Variants in ANKRD22 observed in about 807,000 individuals in gnomAD.
ANKRD22 encodes ankyrin repeat domain-containing protein 22.
A neutral mutation model predicts 25.7 loss-of-function variants in ANKRD22; 24 were observed. That is an observed-to-expected ratio of 0.93 (90% CI 0.68 to 1.31). The LOEUF (loss-of-function observed/expected upper bound fraction) is 1.31, where lower values mean the gene tolerates loss of function less well. Among genes scored for constraint, ANKRD22 ranks in the 50% most tolerant of loss-of-function variants. ANKRD22 has a pLI of 0.00. For synonymous variants in ANKRD22, 84 were observed against 84.3 expected, an observed-to-expected ratio of 1.00 and a Z score of 0.02; for missense variants, 214 against 227.1, an observed-to-expected ratio of 0.94 and a Z score of 0.37.
At position 88,821,742 on chromosome 10, in the gene ANKRD22, G is replaced by A. The variant is rs1246556750; in HGVS notation, c.*1199C>T. 2.0e-5 allele frequency among the ~76,000 whole-genome samples: 3 copies of A among 152,072 alleles called. No homozygotes were observed. Among genetic ancestry groups the A allele is most frequent in the Admixed American group, 2.0e-4 (3 of 15,266 alleles). ...ATGGTAAATCTTTCATTCTTATACT[G>A]TACTTGTTACCACATACAAAGAGGC... On this transcript the variant is annotated 3_prime_UTR_variant, in exon 6 of 6. Coordinates refer to ENST00000371930, the MANE Select transcript of ANKRD22 (RefSeq NM_144590.3).
At chr10:88,829,647 T>C (rs888765805) in intron 2 of ANKRD22, among the ~76,000 whole-genome samples, 6 of 140,484 alleles carry the variant, frequency 4.3e-5, no homozygotes, top group Non-Finnish European at 6.4e-5. Context: ...TGTACATTTT[T>C]CCATGCAATT....
At chr10:88,831,376 T>C (rs1171878781) in intron 2 of ANKRD22, among the ~76,000 whole-genome samples, 2 of 152,228 alleles carry the variant, frequency 1.3e-5, no homozygotes, top group African/African-American at 4.8e-5. Flanking sequence ...AATTTCTCAA[T>C]AGTACTCTTT....
At chr10:88,823,126 G>C in intron 5 of ANKRD22, 108 bp from the exon 6 acceptor site, 1 of 1,256,036 alleles carries the variant, frequency 8.0e-7, no homozygotes, top group Non-Finnish European at 1.2e-6. Context: ...AAGGCAATCA[G>C]TCCTAATAGT....
At chr10:88,838,307 G>A (rs1043779567) in intron 1 of ANKRD22, among the ~76,000 whole-genome samples, 2 of 152,150 alleles carry the variant, frequency 1.3e-5, no homozygotes, top group Non-Finnish European at 2.9e-5. Context: ...CAAGGATTAG[G>A]AAACATGTCT....
intron 1 of ANKRD22, among the ~76,000 whole-genome samples, chr10:88,840,163 G>A (rs1487013244): frequency 1.3e-5 from 2 of 152,072 alleles, no homozygotes; most frequent in Non-Finnish European, 2.9e-5. Context: ...TCTTTAAAAG[G>A]AGTCAAGAAT....
At position 88,832,024 on chromosome 10, in the gene ANKRD22, G is replaced by T. The variant is rs1012105323; in HGVS notation, c.24C>A (p.Pro8=). The T allele has an allele frequency of 3.1e-6, 5 of 1,590,340 alleles. No homozygotes were observed. The highest frequency in any genetic ancestry group is 4.3e-6 in the Non-Finnish European group (5 of 1,171,074). Residue 8 remains proline, a splice_region_variant and synonymous_variant, in exon 2 of 6, where the codon CCC becomes CCA. Coordinates refer to ENST00000371930, the MANE Select transcript of ANKRD22 (RefSeq NM_144590.3). MGILYSE[P]ICQAAYQNDF... Reference sequence around the variant, plus strand: ...CATTCTGATAGGCTGCTTGGCAGATGGGCTGGGTCGGGAAAAACAAAAGCA... The same window carrying T: ...CATTCTGATAGGCTGCTTGGCAGATTGGCTGGGTCGGGAAAAACAAAAGCA...
chr10:88,832,879 G>A (rs982222403), intron 1 of ANKRD22, among the ~76,000 whole-genome samples: 10 of 152,054 alleles, frequency 6.6e-5, no homozygotes, highest in Non-Finnish European at 1.3e-4. Flanking sequence ...AACCATGTTT[G>A]GTACCTTCCA....
chr10:88,843,183 A>T (rs1412437592), intron 1 of ANKRD22, among the ~76,000 whole-genome samples: 1 of 151,936 alleles, frequency 6.6e-6, no homozygotes, highest in Non-Finnish European at 1.5e-5. Flanking sequence ...CATCTACTTC[A>T]CCTCCTTTTC....
At chr10:88,840,005 AAAAG>A (rs1301658154) in intron 1 of ANKRD22, among the ~76,000 whole-genome samples, 3 of 152,192 alleles carry the variant, frequency 2.0e-5, no homozygotes, top group African/African-American at 4.8e-5. Flanking sequence ...CTGCAAAGGT[AAAAG>A]AAACAAGCCC....
At chr10:88,823,105 A>C (rs1316892466) in intron 5 of ANKRD22, 87 bp from the exon 6 acceptor site, 1 of 1,395,834 alleles carries the variant, frequency 7.2e-7, no homozygotes, top group African/African-American at 1.4e-5. Context: ...CTGTGTTGGC[A>C]AGGGCTTTAA....
At position 88,851,633 on chromosome 10, in the gene ANKRD22, C is replaced by T. The variant is rs760353303; in HGVS notation, c.-26G>A. 3.7e-6 allele frequency: 6 copies of T among 1,612,742 alleles called. No homozygotes were observed. The highest frequency in any genetic ancestry group is 1.7e-5 in the Admixed American group (1 of 59,970). On this transcript the variant is annotated 5_prime_UTR_variant, in exon 1 of 6. In the 5' UTR this introduces an upstream ATG that the reference lacks. Transcript: ENST00000371930. ...GCTGGTCCTTCACAGGCTTACTTCA[C>T]CTCTACAGCTCCTTGAATCTTCTGG... is the stretch of plus-strand genomic sequence containing the variant.
At chr10:88,842,387 A>G (rs1844010676) in intron 1 of ANKRD22, among the ~76,000 whole-genome samples, 1 of 152,128 alleles carries the variant, frequency 6.6e-6, no homozygotes, top group African/African-American at 2.4e-5. Flanking sequence ...TAACTCCAGA[A>G]CCAGTGTTTT....
chr10:88,843,721 T>A (rs1238472986), intron 1 of ANKRD22, among the ~76,000 whole-genome samples: 1 of 152,150 alleles, frequency 6.6e-6, no homozygotes, highest in Non-Finnish European at 1.5e-5. Flanking sequence ...ATCAAGAATT[T>A]CCCACAAGGG....
Position 88,820,122 on chromosome 10 carries a change from G to A in ANKRD22, c.*2819C>T, listed in dbSNP as rs886776340. ...AGAGTTGTGTGGCTCTAACACCCAT[G>A]TACCCTTCACCACAACAGATGGCAT... On this transcript the variant is annotated 3_prime_UTR_variant, in exon 6 of 6. Transcript: ENST00000371930. The A allele has an allele frequency of 1.2e-6, 1 of 865,242 alleles. No homozygotes were observed. Among genetic ancestry groups the A allele is most frequent in the Non-Finnish European group, 1.7e-6 (1 of 571,836 alleles). The allele number at this position is 865,242 out of a possible 1,614,324, so 53.6% of individuals were successfully genotyped here. A position where few individuals can be genotyped will look rare whatever the true frequency, so the allele number is the denominator to read the frequency against.
chr10:88,851,735 C>A lies in ANKRD22; in HGVS notation c.-128G>T. On this transcript the variant is annotated 5_prime_UTR_variant, in exon 1 of 6. Transcript: ENST00000371930. Reference sequence around the variant, plus strand: ...AGAAGTCCAAGCTGGTGGCAAGCTCCAGGAGTGCTTTTCTAGCAAACACCT... The same window carrying A: ...AGAAGTCCAAGCTGGTGGCAAGCTCAAGGAGTGCTTTTCTAGCAAACACCT... 9.4e-7 allele frequency: 1 copy of A among 1,059,628 alleles called. No individual in the cohort carries two copies. The highest frequency in any genetic ancestry group is 1.4e-6 in the Non-Finnish European group (1 of 693,212). The allele number at this position is 1,059,628 out of a possible 1,614,324, so 65.6% of individuals were successfully genotyped here. A position where few individuals can be genotyped will look rare whatever the true frequency, so the allele number is the denominator to read the frequency against.
chr10:88,829,373 A>G (rs1843884652), intron 2 of ANKRD22, among the ~76,000 whole-genome samples: 1 of 152,258 alleles, frequency 6.6e-6, no homozygotes, highest in Non-Finnish European at 1.5e-5. Context: ...CACTGTACCT[A>G]AATAAGAACA....
chr10:88,841,038 T>C (rs115757518), intron 1 of ANKRD22, among the ~76,000 whole-genome samples: 2,214 of 152,198 alleles, frequency 0.015, 62 homozygotes, highest in African/African-American at 0.05. Flanking sequence ...GGGCACATAT[T>C]GATCTATGTT....
chr10:88,827,609 T>C (rs2133071006), intron 3 of ANKRD22, among the ~76,000 whole-genome samples: 1 of 152,372 alleles, frequency 6.6e-6, no homozygotes, highest in East Asian at 1.9e-4. Context: ...ATTATATTTT[T>C]ATTAGTGAAT....
chr10:88,844,842 A>T (rs1209304623), intron 1 of ANKRD22, among the ~76,000 whole-genome samples: 1 of 152,166 alleles, frequency 6.6e-6, no homozygotes, highest in Non-Finnish European at 1.5e-5. Context: ...GCATATACAA[A>T]TAAAATGACT....
Sources: gnomAD v4.1 joint callset for allele counts (sites outside exome capture counted in the v4.1 genomes callset) on GRCh38, gnomAD v4.1.1 for gene constraint, MANE v1.5 for transcripts, NCBI Gene and HGNC (gene_info 2026-07-23, HGNC 2026-07-21) for gene names.